ZNF385B: variants seen among roughly 807,000 people sequenced by gnomAD.
ZNF385B encodes the protein zinc finger protein 385B, also known as zinc finger protein 533.
A neutral mutation model predicts 39.2 loss-of-function variants in ZNF385B; 23 were observed. The observed-to-expected ratio is 0.59, with a 90% confidence interval of 0.42 to 0.83. The LOEUF (loss-of-function observed/expected upper bound fraction) is 0.83. Among genes scored for constraint, ZNF385B ranks in the 40% least tolerant of loss-of-function variants. ZNF385B has a pLI of 0.00. For synonymous variants in ZNF385B, 205 were observed against 222.6 expected (o/e 0.92, Z 0.70); for missense variants, 552 against 598.9 (o/e 0.92, Z 0.82).
intron 3 of ZNF385B, chr2:179,576,259 T>C (rs962884837): frequency 1.2e-6 from 1 of 834,532 alleles, no homozygotes; most frequent in African/African-American, 1.8e-5. Flanking sequence ...CGCTGCCAGA[T>C]CAACGTATCT....
At chr2:179,778,226 G>T (rs1015119381) in intron 1 of ZNF385B, among the ~76,000 whole-genome samples, 6 of 152,186 alleles carry the variant, frequency 3.9e-5, no homozygotes, top group African/African-American at 1.4e-4. Context: ...CATCTGCCCT[G>T]CATGGCACTG....
intron 3 of ZNF385B, among the ~76,000 whole-genome samples, chr2:179,673,844 T>C (rs1696385797): frequency 6.6e-6 from 1 of 152,232 alleles, no homozygotes; most frequent in South Asian, 2.1e-4. Flanking sequence ...CAATGGAATA[T>C]TTCTTAAACT....
intron 3 of ZNF385B, among the ~76,000 whole-genome samples, chr2:179,749,102 G>A (rs1559158045): frequency 6.6e-6 from 1 of 151,892 alleles, no homozygotes; most frequent in African/African-American, 2.4e-5. Context: ...GTGCCCTGAA[G>A]GTTTGATGGA....
At chr2:179,717,231 G>A (rs1700385597) in intron 3 of ZNF385B, among the ~76,000 whole-genome samples, 1 of 152,160 alleles carries the variant, frequency 6.6e-6, no homozygotes, top group Admixed American at 6.5e-5. Context: ...TAGCAAGAAA[G>A]TTTCCATTTT....
chr2:179,760,906 A>G (rs1221910399), intron 3 of ZNF385B, among the ~76,000 whole-genome samples: 1 of 151,888 alleles, frequency 6.6e-6, no homozygotes, highest in Non-Finnish European at 1.5e-5. Context: ...CTTTGAGTTA[A>G]TATTTTTATA....
In ZNF385B at chr2:179,616,007, T is replaced by C. The variant is rs117776160; in HGVS notation, c.299-71038A>G. 7.9e-4 allele frequency among the ~76,000 whole-genome samples: 120 copies of C among 152,266 alleles called. 1 individual carries two copies. The East Asian group carries it at 0.02, about 26-fold the overall frequency. On this transcript the variant is annotated intron_variant, in intron 3 of 9. Transcript: ENST00000410066. Reference sequence around the variant, plus strand: ...ATTATTTTAAAAGGACGATAGCATATAGAATAGTATTTAATCATCTTGGAG... The same window carrying C: ...ATTATTTTAAAAGGACGATAGCATACAGAATAGTATTTAATCATCTTGGAG...
chr2:179,630,057 T>G (rs1291401287), intron 3 of ZNF385B, among the ~76,000 whole-genome samples: 1 of 152,262 alleles, frequency 6.6e-6, no homozygotes, highest in African/African-American at 2.4e-5. Flanking sequence ...CAAGGCCTAC[T>G]GCCTCTAGAC....
Position 179,592,903 on chromosome 2 carries a change from T to G in ZNF385B, c.299-47934A>C, listed in dbSNP as rs180674986. 2.6e-3 allele frequency among the ~76,000 whole-genome samples: 391 copies of G among 152,254 alleles called. 1 individual carries two copies. The highest frequency in any genetic ancestry group is 8.9e-3 in the African/African-American group (368 of 41,548). On this transcript the variant is annotated intron_variant, in intron 3 of 9. Transcript: ENST00000410066. ...CTCTACGACCTTATATTAAGTACATTATAAGGGAATGTCAATTTTCATATG... is the reference window on the plus strand; with the variant it reads ...CTCTACGACCTTATATTAAGTACATGATAAGGGAATGTCAATTTTCATATG...
intron 2 of ZNF385B, among the ~76,000 whole-genome samples, chr2:179,770,042 C>T (rs1703925303): frequency 6.6e-6 from 1 of 152,078 alleles, no homozygotes; most frequent in Admixed American, 6.5e-5. Context: ...CTTTATACCC[C>T]ATCCTTGCCC....
At chr2:179,774,885 T>C (rs1232193913) in intron 1 of ZNF385B, among the ~76,000 whole-genome samples, 1 of 152,242 alleles carries the variant, frequency 6.6e-6, no homozygotes, top group African/African-American at 2.4e-5. Context: ...TCAGCATCCA[T>C]GTGACATTAG....
At chr2:179,584,420 T>C (rs1435390664) in intron 3 of ZNF385B, among the ~76,000 whole-genome samples, 1 of 152,000 alleles carries the variant, frequency 6.6e-6, no homozygotes, top group Admixed American at 6.6e-5. Context: ...TCGAACAACA[T>C]GAGTCTAGGG....
chr2:179,603,801 T>G (rs1423236583), intron 3 of ZNF385B, among the ~76,000 whole-genome samples: 2 of 152,186 alleles, frequency 1.3e-5, no homozygotes, highest in African/African-American at 2.4e-5. Flanking sequence ...TTCCTCCATA[T>G]ACTCGCTCTC....
rs1460342987 is a variant in ZNF385B at position 179,446,826 on chromosome 2, T to C, written c.716-56A>G. 3 of 1,522,464 alleles carry C rather than the reference T, an allele frequency of 2.0e-6. No individual in the cohort carries two copies. In the East Asian group the frequency reaches 6.8e-5, roughly 35 times the overall value. 94.3% of individuals were successfully genotyped at this position (1,522,464 alleles called of 1,614,324 possible). On this transcript the variant is annotated intron_variant, in intron 6 of 9. Coordinates refer to ENST00000410066, the MANE Select transcript of ZNF385B (RefSeq NM_152520.6). The stretch of plus-strand genomic sequence containing the variant: ...GCCTCATATATCATATAAACAAAGA[T>C]AAATCACCATAGATGAATTAAAAAT...
At chr2:179,689,191 A>G (rs968294691) in intron 3 of ZNF385B, among the ~76,000 whole-genome samples, 3 of 152,164 alleles carry the variant, frequency 2.0e-5, no homozygotes, top group African/African-American at 4.8e-5. Context: ...GGAGGGAAAC[A>G]CCTTTAGGAC....
chr2:179,756,687 C>CTT (rs1559165774), intron 3 of ZNF385B, among the ~76,000 whole-genome samples: 1 of 152,094 alleles, frequency 6.6e-6, no homozygotes, highest in Non-Finnish European at 1.5e-5. Flanking sequence ...TCTTTTTACT[C>CTT]TTTTTTCTCT....
At chr2:179,663,713 C>CAAAAAAAAAAAAAAAAAAA (rs71401756) in intron 3 of ZNF385B, among the ~76,000 whole-genome samples, 2 of 67,732 alleles carry the variant, frequency 3.0e-5, no homozygotes, top group African/African-American at 1.4e-4. Flanking sequence ...GACTCCGTCT[C>CAAAAAAAAAAAAAAAAAAA]AAAAAAAAAA....
At chr2:179,659,253 A>G (rs1033213) in intron 3 of ZNF385B, among the ~76,000 whole-genome samples, 55,891 of 152,086 alleles carry the variant, frequency 0.37, 11,056 homozygotes, top group East Asian at 0.58. Context: ...CCTCAACTCA[A>G]TGTGTACTTA....
intron 3 of ZNF385B, among the ~76,000 whole-genome samples, chr2:179,699,928 T>C (rs1575272777): frequency 6.6e-6 from 1 of 152,280 alleles, no homozygotes; most frequent in East Asian, 1.9e-4. Flanking sequence ...TCGACACCAC[T>C]CACCTTCAGA....
chr2:179,839,754 T>C (rs1486233), intron 1 of ZNF385B, among the ~76,000 whole-genome samples: 52,955 of 151,996 alleles, frequency 0.35, 9,544 homozygotes, highest in Admixed American at 0.46. Flanking sequence ...AGGGGTGTTT[T>C]ACCACCCCTA....
Sources: allele counts gnomAD v4.1 joint callset (sites outside exome capture counted in the v4.1 genomes callset), GRCh38; gene constraint gnomAD v4.1.1; transcripts MANE v1.5; gene names NCBI Gene and HGNC (gene_info 2026-07-23, HGNC 2026-07-21).